Variants in ZDHHC21 observed in about 807,000 individuals in gnomAD.
The protein encoded by ZDHHC21 is palmitoyltransferase ZDHHC21.
In ZDHHC21, 15 loss-of-function variants were observed where a neutral mutation model predicts 34.6. The ratio of observed to expected loss-of-function variants is 0.43; its 90% CI spans 0.29 to 0.67. The LOEUF is 0.67. Ranked by LOEUF, ZDHHC21 falls within the 30% of genes least tolerant of loss-of-function variation. The pLI is 0.14. For missense variants in ZDHHC21, 344 were observed against 327.7 expected (o/e 1.05, Z -0.38); for synonymous variants, 142 against 101.8 (o/e 1.40, Z -2.38).
downstream of ZDHHC21, among the ~76,000 whole-genome samples, chr9:14,608,737 A>T (rs1823101593): frequency 6.6e-6 from 1 of 151,880 alleles, no homozygotes; most frequent in African/African-American, 2.4e-5. Context: ...TACAGGGTCC[A>T]ATTTTCCTTC....
intron 8 of ZDHHC21, among the ~76,000 whole-genome samples, chr9:14,629,329 G>A (rs553458045): frequency 2.6e-5 from 4 of 152,106 alleles, no homozygotes; most frequent in South Asian, 2.1e-4. Flanking sequence ...AAAATGTAAC[G>A]TTCAATACTA....
rs1824565544 is a variant in ZDHHC21 at position 14,617,996 on chromosome 9, A to G, written c.*970T>C. ...AAATTTTACATCTACTAGTACATAA[A>G]TAAAAGTAAAAAGTATACTCTTTTC... is the stretch of plus-strand genomic sequence containing the variant. On this transcript the variant is annotated 3_prime_UTR_variant, in exon 10 of 10. Transcript: ENST00000380916. 1 of 152,440 alleles carries G rather than the reference A, an allele frequency of 6.6e-6. No homozygotes were observed. Among genetic ancestry groups the G allele is most frequent in the Admixed American group, 6.6e-5 (1 of 15,256 alleles). The allele number at this position is 152,440 out of a possible 1,614,324, so 9.4% of individuals were successfully genotyped here. A position where few individuals can be genotyped will look rare whatever the true frequency, so the allele number is the denominator to read the frequency against.
chr9:14,647,255 C>A (rs897171465), intron 7 of ZDHHC21, among the ~76,000 whole-genome samples: 1 of 151,882 alleles, frequency 6.6e-6, no homozygotes, highest in African/African-American at 2.4e-5. Flanking sequence ...TTAAATGTTA[C>A]AAAACTAGGC....
At chr9:14,665,473 G>A (rs534363419) in intron 5 of ZDHHC21, among the ~76,000 whole-genome samples, 3,777 of 150,724 alleles carry the variant, frequency 0.025, 72 homozygotes, top group Non-Finnish European at 0.038. Context: ...GCAGGCCAAC[G>A]TTCAGATTCA....
chr9:14,656,361 C>G (rs1461059340), intron 7 of ZDHHC21, among the ~76,000 whole-genome samples: 1 of 151,864 alleles, frequency 6.6e-6, no homozygotes, highest in Non-Finnish European at 1.5e-5. Context: ...ATTTGTCTGT[C>G]TTTTCTTACA....
intron 2 of ZDHHC21, among the ~76,000 whole-genome samples, chr9:14,685,534 C>A (rs1474085900): frequency 3.3e-5 from 5 of 152,088 alleles, no homozygotes; most frequent in Non-Finnish European, 2.9e-5. Flanking sequence ...GAATGGCGAT[C>A]ACTAAAAAGT....
chr9:14,602,234 T>C, the ZDHHC21 span, among the ~76,000 whole-genome samples: 1 of 151,592 alleles, frequency 6.6e-6, no homozygotes, highest in Non-Finnish European at 1.5e-5. Context: ...GCTTCAACAA[T>C]AGACTAGATC....
chr9:14,662,193 G>T, intron 6 of ZDHHC21, 22 bp downstream of exon 6: 28 of 1,489,294 alleles, frequency 1.9e-5, no homozygotes, highest in Non-Finnish European at 2.2e-5. Context: ...TCTTTTCTTT[G>T]CTAGAAGTGA....
chr9:14,691,801 T>G (rs1839199124), intron 1 of ZDHHC21, among the ~76,000 whole-genome samples: 1 of 152,248 alleles, frequency 6.6e-6, no homozygotes, highest in Non-Finnish European at 1.5e-5. Flanking sequence ...ATTATACATT[T>G]TAACTTATAT....
At chr9:14,609,142 G>C (rs1367991737), downstream of ZDHHC21, among the ~76,000 whole-genome samples, 10 of 150,264 alleles carry the variant, frequency 6.7e-5, no homozygotes, top group African/African-American at 2.5e-4. Flanking sequence ...TAAAAAAGGT[G>C]ACAAGCCATT....
intron 6 of ZDHHC21, among the ~76,000 whole-genome samples, chr9:14,660,733 C>T (rs911513097): frequency 6.6e-6 from 1 of 151,986 alleles, no homozygotes; most frequent in Admixed American, 6.6e-5. Context: ...ATCACCCCAA[C>T]GTTAGAATTA....
Position 14,630,423 on chromosome 9 carries a change from C to T in ZDHHC21, c.621+9473G>A, listed in dbSNP as rs377094470. ...ATTTCTCTTGTTATTTCTAGCACAT[C>T]TTTAGTTACCACCTCCACTGAAGTC... On this transcript the variant is annotated intron_variant, in intron 8 of 9. Coordinates refer to ENST00000380916, the MANE Select transcript of ZDHHC21 (RefSeq NM_178566.6). 9.8e-5 allele frequency among the ~76,000 whole-genome samples: 15 copies of T among 152,290 alleles called. No individual in the cohort carries two copies. In the South Asian group the frequency reaches 2.7e-3, roughly 27 times the overall value.
intron 8 of ZDHHC21, among the ~76,000 whole-genome samples, chr9:14,635,798 T>G (rs971006821): frequency 3.9e-5 from 6 of 152,056 alleles, no homozygotes; most frequent in South Asian, 2.1e-4. Flanking sequence ...GAGGTGGAGG[T>G]TGCAGTGAGC....
intron 9 of ZDHHC21, 110 bp downstream of exon 9, chr9:14,619,529 C>G: frequency 1.1e-6 from 1 of 935,390 alleles, no homozygotes; most frequent in Non-Finnish European, 1.6e-6. Context: ...GACAATGCAC[C>G]AAGAAAAAGC....
chr9:14,636,692 A>C (rs1828373011), intron 8 of ZDHHC21, among the ~76,000 whole-genome samples: 1 of 152,198 alleles, frequency 6.6e-6, no homozygotes, highest in South Asian at 2.1e-4. Context: ...AAAAAATCTA[A>C]ATTGTATCAA....
Position 14,662,253 on chromosome 9 carries a change from GCAGCGGCTA to G in ZDHHC21, c.318_326del (p.Ser107_Cys109del). 1 of 1,612,492 alleles carries G rather than the reference GCAGCGGCTA, an allele frequency of 6.2e-7. No individual in the cohort carries two copies. The highest frequency in any genetic ancestry group is 8.5e-7 in the Non-Finnish European group (1 of 1,179,352). On this transcript the variant is annotated inframe_deletion, in exon 6 of 10. Coordinates refer to ENST00000380916, the MANE Select transcript of ZDHHC21 (RefSeq NM_178566.6). ...GATCCATTCTCCTCACACAGTGGCC[GCAGCGGCTA>G]CAGTGATGGGAACGCTTTGGTCTCA...
At chr9:14,602,928 C>CAAACAAA in the ZDHHC21 span, among the ~76,000 whole-genome samples, 1 of 88,060 alleles carries the variant, frequency 1.1e-5, no homozygotes, top group Non-Finnish European at 2.1e-5. Flanking sequence ...GACTTCATCT[C>CAAACAAA]AAAAAAAAAA....
chr9:14,626,242 C>A (rs1826185404), intron 8 of ZDHHC21, among the ~76,000 whole-genome samples: 1 of 151,740 alleles, frequency 6.6e-6, no homozygotes, highest in South Asian at 2.1e-4. Context: ...AATTATTGTG[C>A]CAAAATACCA....
At chr9:14,662,388 A>G in intron 5 of ZDHHC21, 62 bp from the exon 6 acceptor site, 1 of 1,255,392 alleles carries the variant, frequency 8.0e-7, no homozygotes, top group Admixed American at 2.4e-5. Flanking sequence ...AAATTTACCA[A>G]CAGTTGTTTA....
Sources: gnomAD v4.1 joint callset for allele counts (sites outside exome capture counted in the v4.1 genomes callset) on GRCh38, gnomAD v4.1.1 for gene constraint, MANE v1.5 for transcripts, NCBI Gene and HGNC (gene_info 2026-07-23, HGNC 2026-07-21) for gene names.